The following HTD2 variants were observed in gnomAD, a reference collection of about 807,000 sequenced individuals.
HTD2 encodes the protein hydroxyacyl-thioester dehydratase type 2, also known as hydroxyacyl-thioester dehydratase type 2, mitochondrial.
A neutral mutation model predicts 3.1 loss-of-function variants in HTD2; 1 was observed. The ratio of observed to expected loss-of-function variants is 0.32; its 90% CI spans 0.11 to 1.52. The LOEUF is 1.52. Ranked by LOEUF, HTD2 falls within the 40% of genes most tolerant of loss-of-function variation. The pLI is 0.39. For synonymous variants in HTD2, 50 were observed against 28.9 expected (o/e 1.73, Z -2.34); for missense variants, 150 against 79.6 (o/e 1.88, Z -3.36).
At chr3:58,314,495 T>G (rs1167257408) in intron 2 of HTD2, among the ~76,000 whole-genome samples, 1 of 152,150 alleles carries the variant, frequency 6.6e-6, no homozygotes, top group Non-Finnish European at 1.5e-5. Flanking sequence ...ATGTTTAACA[T>G]TAGCCATTAG....
In HTD2 at chr3:58,310,671, GC is replaced by G; in HGVS notation, c.-331+82del. On this transcript the variant is annotated intron_variant, in intron 2 of 4. Coordinates refer to ENST00000461393, the MANE Select transcript of HTD2 (RefSeq NM_001348712.2). Reference sequence around the variant, plus strand: ...AAAGAGGCCGGGCGCGGTAGCTCACGCCTGTAATCCCAGCACTTTGGAGGCC... The same window carrying G: ...AAAGAGGCCGGGCGCGGTAGCTCACGCTGTAATCCCAGCACTTTGGAGGCC... The G allele has an allele frequency of 2.4e-6, 3 of 1,226,776 alleles. No homozygotes were observed. In the East Asian group the frequency reaches 7.1e-5, roughly 29 times the overall value. The allele number at this position is 1,226,776 out of a possible 1,614,324, so 76.0% of individuals were successfully genotyped here.
rs1395723950 is a variant in HTD2, at chr3:58,310,657, GCGCGGTAGCTCA to G, written c.-331+70_-331+81del. ...TGTAAGAAATACAGAAAGAGGCCGG[GCGCGGTAGCTCA>G]CGCCTGTAATCCCAGCACTTTGGAG... On this transcript the variant is annotated intron_variant, in intron 2 of 4. Transcript: ENST00000461393. 9 of 1,410,822 alleles carry G rather than the reference GCGCGGTAGCTCA, an allele frequency of 6.4e-6. No homozygotes were observed. The African/African-American group carries it at 1.3e-4, about 20-fold the overall frequency. 87.4% of individuals were successfully genotyped at this position (1,410,822 alleles called of 1,614,324 possible). A position where few individuals can be genotyped will look rare whatever the true frequency, so the allele number is the denominator to read the frequency against.
At position 58,316,514 on chromosome 3, in the gene HTD2, G is replaced by A; in HGVS notation, c.-330-1G>A. 1 of 1,613,560 alleles carries A rather than the reference G, an allele frequency of 6.2e-7. No individual in the cohort carries two copies. ...TGCTAATAGCATTATTCCATATGCA[G>A]GTTGATGCCGCCTTACCTTTGGACA... On this transcript the variant is annotated splice_acceptor_variant, in intron 2 of 4. Coordinates refer to ENST00000461393, the MANE Select transcript of HTD2 (RefSeq NM_001348712.2). LOFTEE classifies it low-confidence loss of function (5UTR_SPLICE).
At chr3:58,312,334 A>ACCCCCCC (rs76719108) in intron 2 of HTD2, among the ~76,000 whole-genome samples, 9 of 69,704 alleles carry the variant, frequency 1.3e-4, no homozygotes, top group Admixed American at 1.7e-4. Context: ...CAACCTCCGC[A>ACCCCCCC]CCCCCCCCCG....
At chr3:58,314,668 T>C (rs1234361439) in intron 2 of HTD2, among the ~76,000 whole-genome samples, 1 of 145,874 alleles carries the variant, frequency 6.9e-6, no homozygotes, top group Admixed American at 7.2e-5. Flanking sequence ...GAACATAGTT[T>C]GGCAGTATTT....
At position 58,310,378 on chromosome 3, in the gene HTD2, T is replaced by G. The variant is rs1355538683; in HGVS notation, c.-415-129T>G. 6 of 1,614,042 alleles carry G rather than the reference T, an allele frequency of 3.7e-6. No individual in the cohort carries two copies. The highest frequency in any genetic ancestry group is 5.1e-6 in the Non-Finnish European group (6 of 1,180,026). ...TGAAAGAGTAGTTTACAAAAACCCTTCCGAGTACCACTACATGAAAGTCTG... is the reference window on the plus strand; with the variant it reads ...TGAAAGAGTAGTTTACAAAAACCCTGCCGAGTACCACTACATGAAAGTCTG... On this transcript the variant is annotated intron_variant, in intron 1 of 4. Coordinates refer to ENST00000461393, the MANE Select transcript of HTD2 (RefSeq NM_001348712.2).
In HTD2 at chr3:58,318,366, T is replaced by TC. The variant is rs2097490585; in HGVS notation, c.*247dup. On this transcript the variant is annotated 3_prime_UTR_variant, in exon 5 of 5. Transcript: ENST00000461393. ...TTTTGTTTGTTTTTTGTTTTTTAAT[T>TC]CAAGAAGTAGGCTGGGCCCGGTGGC... is the stretch of plus-strand genomic sequence containing the variant. 2 of 356,582 alleles carry TC rather than the reference T, an allele frequency of 5.6e-6. No homozygotes were observed. Among genetic ancestry groups the TC allele is most frequent in the Non-Finnish European group, 1.0e-5 (2 of 198,980 alleles). The allele number at this position is 356,582 out of a possible 1,614,324, so 22.1% of individuals were successfully genotyped here.
At chr3:58,309,831 G>A (rs1391405150) in intron 1 of HTD2, among the ~76,000 whole-genome samples, 2 of 152,126 alleles carry the variant, frequency 1.3e-5, no homozygotes, top group Non-Finnish European at 2.9e-5. Flanking sequence ...GGCAGAGGTT[G>A]CAGTGAGCCA....
At chr3:58,317,284 T>C (rs1161809764) in intron 4 of HTD2, among the ~76,000 whole-genome samples, 156 bp from the exon 5 acceptor site, 1 of 152,214 alleles carries the variant, frequency 6.6e-6, no homozygotes, top group Non-Finnish European at 1.5e-5. Context: ...CTTTTTGAGA[T>C]GTGACCACTT....
intron 2 of HTD2, among the ~76,000 whole-genome samples, chr3:58,310,872 G>A (rs940520227): frequency 1.8e-4 from 27 of 150,642 alleles, no homozygotes; most frequent in African/African-American, 5.6e-4. Context: ...AGAGGTTGCA[G>A]TGAGCCGAGA....
At position 58,307,273 on chromosome 3, in the gene HTD2, G is replaced by C. The variant is rs1397106105; in HGVS notation, c.-416+622G>C. 2.6e-5 allele frequency among the ~76,000 whole-genome samples: 4 copies of C among 152,216 alleles called. No individual in the cohort carries two copies. The East Asian group carries it at 7.7e-4, about 29-fold the overall frequency. On this transcript the variant is annotated intron_variant, in intron 1 of 4. Transcript: ENST00000461393. ...TTTGGCCTTACTCTGGATAAAACGG[G>C]AACCATAGCAAGATTTTGAGCAGAG... is the stretch of plus-strand genomic sequence containing the variant.
chr3:58,307,412 C>T (rs1161635237), intron 1 of HTD2, among the ~76,000 whole-genome samples: 1 of 152,162 alleles, frequency 6.6e-6, no homozygotes, highest in East Asian at 1.9e-4. Context: ...AGGAGCATCC[C>T]TGCGCAGCCA....
At chr3:58,310,687 C>G (rs574075624) in intron 2 of HTD2, 96 bp downstream of exon 2, 6 of 992,702 alleles carry the variant, frequency 6.0e-6, no homozygotes, top group African/African-American at 1.6e-5. Context: ...AATCCCAGCA[C>G]TTTGGAGGCC....
At chr3:58,315,924 C>T (rs1336253739) in intron 2 of HTD2, 2 of 152,362 alleles carry the variant, frequency 1.3e-5, no homozygotes, top group Non-Finnish European at 2.9e-5. Flanking sequence ...GATCCGCCCT[C>T]CTTGGCCTCC....
At chr3:58,312,524 C>T (rs1430785125) in intron 2 of HTD2, among the ~76,000 whole-genome samples, 1 of 152,044 alleles carries the variant, frequency 6.6e-6, no homozygotes, top group East Asian at 1.9e-4. Flanking sequence ...TTCTAATATG[C>T]CTTCTGTTTG....
intron 2 of HTD2, among the ~76,000 whole-genome samples, chr3:58,312,180 A>G (rs1337383226): frequency 6.6e-6 from 1 of 152,174 alleles, no homozygotes; most frequent in African/African-American, 2.4e-5. Flanking sequence ...GGAAACCTCC[A>G]TACTGCTCTC....
chr3:58,317,059 C>T (rs2097489046), intron 4 of HTD2, 66 bp downstream of exon 4: 3 of 1,130,314 alleles, frequency 2.7e-6, no homozygotes, highest in African/African-American at 3.1e-5. Flanking sequence ...TCTTAATATA[C>T]ACAACTCATT....
Position 58,316,513 on chromosome 3 carries a change from A to G in HTD2, c.-330-2A>G. 1.2e-5 allele frequency: 20 copies of G among 1,613,028 alleles called. No homozygotes were observed. Among genetic ancestry groups the G allele is most frequent in the Non-Finnish European group, 1.6e-5 (19 of 1,178,988 alleles). On this transcript the variant is annotated splice_acceptor_variant, in intron 2 of 4. Transcript: ENST00000461393. LOFTEE classifies it low-confidence loss of function (5UTR_SPLICE). Reference sequence around the variant, plus strand: ...CTGCTAATAGCATTATTCCATATGCAGGTTGATGCCGCCTTACCTTTGGAC... The same window carrying G: ...CTGCTAATAGCATTATTCCATATGCGGGTTGATGCCGCCTTACCTTTGGAC...
In HTD2 at chr3:58,316,960, T is replaced by C. The variant is rs1029034828; in HGVS notation, c.-208T>C. On this transcript the variant is annotated 5_prime_UTR_variant, in exon 4 of 5. Coordinates refer to ENST00000461393, the MANE Select transcript of HTD2 (RefSeq NM_001348712.2). ...GCTCTTTGACCCTGTTAGGATCCTA[T>C]AAAGGCAAAAAATGTGCTTTCCGGG... 4 of 1,613,796 alleles carry C rather than the reference T, an allele frequency of 2.5e-6. No homozygotes were observed. Among genetic ancestry groups the C allele is most frequent in the Admixed American group, 1.7e-5 (1 of 59,964 alleles).
Sources: gnomAD v4.1 joint callset for allele counts (sites outside exome capture counted in the v4.1 genomes callset) on GRCh38, gnomAD v4.1.1 for gene constraint, MANE v1.5 for transcripts, NCBI Gene and HGNC (gene_info 2026-07-23, HGNC 2026-07-21) for gene names.